The following GRAMD1C variants were observed in gnomAD, a reference collection of about 807,000 sequenced individuals.
The protein encoded by GRAMD1C is protein Aster-C.
GRAMD1C carries 89 observed loss-of-function variants against 97.8 expected under a neutral mutation model. The ratio of observed to expected loss-of-function variants is 0.91; its 90% confidence interval spans 0.77 to 1.09. The LOEUF is 1.09. GRAMD1C is among the 50% of genes least tolerant of loss of function. GRAMD1C has a pLI of 0.00. For missense variants in GRAMD1C, 740 were observed against 766.4 expected (o/e 0.97, Z 0.41); for synonymous variants, 256 against 267.0 (o/e 0.96, Z 0.40).
chr3:113,853,785 T>C (rs1559779304), intron 2 of GRAMD1C, among the ~76,000 whole-genome samples: 1 of 152,080 alleles, frequency 6.6e-6, no homozygotes, highest in Non-Finnish European at 1.5e-5. Flanking sequence ...GTGTAGAGAA[T>C]AGCATGGGAG....
At chr3:113,878,973 G>T (rs1935158034) in intron 5 of GRAMD1C, among the ~76,000 whole-genome samples, 1 of 152,084 alleles carries the variant, frequency 6.6e-6, no homozygotes, top group African/African-American at 2.4e-5. Flanking sequence ...TTGGGAGGCT[G>T]AGGAGGGTGG....
At chr3:113,931,500 A>G (rs888586480) in intron 11 of GRAMD1C, among the ~76,000 whole-genome samples, 1 of 152,036 alleles carries the variant, frequency 6.6e-6, no homozygotes, top group African/African-American at 2.4e-5. Context: ...GTGGGATTAC[A>G]GGCGCACGCC....
At chr3:113,860,793 T>A (rs1934339210) in intron 2 of GRAMD1C, among the ~76,000 whole-genome samples, 2 of 151,934 alleles carry the variant, frequency 1.3e-5, no homozygotes, top group Non-Finnish European at 2.9e-5. Flanking sequence ...TGGTGAAAGC[T>A]GTCTCTATTA....
intron 6 of GRAMD1C, among the ~76,000 whole-genome samples, chr3:113,884,862 AAGAGAGAGGCGC>A (rs1191809932): frequency 6.7e-6 from 1 of 149,738 alleles, no homozygotes; most frequent in Admixed American, 6.6e-5. Context: ...AAAAAGAAAA[AAGAGAGAGGCGC>A]AGCGGACCAC....
intron 2 of GRAMD1C, among the ~76,000 whole-genome samples, chr3:113,864,152 AC>A (rs1934498350): frequency 6.6e-6 from 1 of 152,062 alleles, no homozygotes; most frequent in African/African-American, 2.4e-5. Context: ...TCACTCTGTC[AC>A]CCAGGCTGGA....
chr3:113,886,025 C>G, intron 6 of GRAMD1C: 1 of 1,233,806 alleles, frequency 8.1e-7, no homozygotes, highest in South Asian at 1.2e-5. Flanking sequence ...AACATCGGCT[C>G]TGGTGACAGC....
At chr3:113,887,085 G>GTGTTTT (rs1935524025) in intron 6 of GRAMD1C, among the ~76,000 whole-genome samples, 1 of 71,456 alleles carries the variant, frequency 1.4e-5, no homozygotes. Context: ...TGGCCTTTTT[G>GTGTTTT]TTTTTTTTTT....
At chr3:113,844,707 G>T (rs1404723118) in intron 2 of GRAMD1C, 58 bp downstream of exon 2, 6 of 1,223,964 alleles carry the variant, frequency 4.9e-6, no homozygotes, top group Non-Finnish European at 7.0e-6. Flanking sequence ...CTTTAAATCT[G>T]CAAGGAGTCA....
At chr3:113,857,439 G>A (rs916873873) in intron 2 of GRAMD1C, among the ~76,000 whole-genome samples, 5 of 149,116 alleles carry the variant, frequency 3.4e-5, no homozygotes, top group Middle Eastern at 3.5e-3. Flanking sequence ...GCAGTGACAC[G>A]ATCTTGGCTC....
intron 4 of GRAMD1C, chr3:113,875,937 C>G (rs778199884): frequency 2.3e-6 from 1 of 439,800 alleles, no homozygotes; most frequent in Non-Finnish European, 4.0e-6. Context: ...AAACTTTATA[C>G]TAATGTTAGA....
intron 6 of GRAMD1C, among the ~76,000 whole-genome samples, chr3:113,893,981 T>C (rs184342268): frequency 9.8e-5 from 15 of 152,300 alleles, no homozygotes; most frequent in African/African-American, 2.6e-4. Context: ...CTAAGTTCAA[T>C]GTATATTTAA....
intron 1 of GRAMD1C, among the ~76,000 whole-genome samples, chr3:113,833,087 A>ATT (rs1163958332): frequency 7.2e-6 from 1 of 138,438 alleles, no homozygotes; most frequent in Admixed American, 7.0e-5. Flanking sequence ...TTGCCTTCAA[A>ATT]TTTTTTCTTT....
At chr3:113,907,440 A>G (rs1351404573) in intron 8 of GRAMD1C, among the ~76,000 whole-genome samples, 2 of 152,178 alleles carry the variant, frequency 1.3e-5, no homozygotes, top group African/African-American at 4.8e-5. Context: ...TTTAAGATCG[A>G]TCATACATTC....
intron 10 of GRAMD1C, chr3:113,920,184 A>C: frequency 1.5e-6 from 2 of 1,357,552 alleles, no homozygotes; most frequent in South Asian, 1.3e-5. Flanking sequence ...GCATCTGCTC[A>C]ACAGCCTGAA....
intron 14 of GRAMD1C, among the ~76,000 whole-genome samples, chr3:113,937,078 C>T (rs1038037433): frequency 4.6e-5 from 7 of 152,218 alleles, no homozygotes; most frequent in African/African-American, 1.4e-4. Flanking sequence ...TCAATTTCTA[C>T]GTTTGAGTGT....
chr3:113,843,261 G>C (rs1933449289), intron 1 of GRAMD1C, among the ~76,000 whole-genome samples: 1 of 151,342 alleles, frequency 6.6e-6, no homozygotes, highest in Admixed American at 6.6e-5. Flanking sequence ...ATTTTTTGTA[G>C]AGACGGGGTC....
intron 3 of GRAMD1C, among the ~76,000 whole-genome samples, chr3:113,873,261 AAACAAC>A (rs543608301): frequency 6.6e-6 from 1 of 151,926 alleles, no homozygotes; most frequent in African/African-American, 2.4e-5. Context: ...CCCTGTTTCA[AAACAAC>A]AACAACAACA....
At chr3:113,923,537 T>G (rs762046547) in intron 10 of GRAMD1C, among the ~76,000 whole-genome samples, 3 of 152,222 alleles carry the variant, frequency 2.0e-5, no homozygotes, top group Non-Finnish European at 2.9e-5. Flanking sequence ...ATGTGGTTTT[T>G]GTTTTTAGTT....
chr3:113,843,229 C>A (rs1005582154), intron 1 of GRAMD1C, among the ~76,000 whole-genome samples: 2 of 151,750 alleles, frequency 1.3e-5, no homozygotes, highest in African/African-American at 4.8e-5. Context: ...CGCATGCCAC[C>A]ATGCCAGGCA....
Sources: gnomAD v4.1 joint callset for allele counts (sites outside exome capture counted in the v4.1 genomes callset) on GRCh38, gnomAD v4.1.1 for gene constraint, MANE v1.5 for transcripts, NCBI Gene and HGNC (gene_info 2026-07-23, HGNC 2026-07-21) for gene names.